LDB2: variants seen among roughly 807,000 people sequenced by gnomAD.
LDB2 encodes the protein LIM domain-binding protein 2.
LDB2 carries 12 observed loss-of-function variants against 44.3 expected under a neutral mutation model. The ratio of observed to expected loss-of-function variants is 0.27; its 90% CI spans 0.17 to 0.44. The LOEUF (loss-of-function observed/expected upper bound fraction) is 0.44. Ranked by LOEUF, LDB2 falls within the 20% of genes least tolerant of loss-of-function variation. The probability of loss-of-function intolerance (pLI) is 1.00; values close to 1 mark genes in which losing one functional copy is unlikely to be tolerated. For synonymous variants in LDB2, 164 were observed against 174.8 expected (o/e 0.94, Z 0.49); for missense variants, 344 against 473.5 (o/e 0.73, Z 2.54).
intron 2 of LDB2, among the ~76,000 whole-genome samples, chr4:16,704,688 A>T (rs1186172915): frequency 6.6e-6 from 1 of 152,218 alleles, no homozygotes; most frequent in Non-Finnish European, 1.5e-5. Flanking sequence ...GTAGTCACAT[A>T]AAAAAGCCTC....
At chr4:16,857,382 G>A (rs1464009009) in intron 1 of LDB2, among the ~76,000 whole-genome samples, 5 of 152,104 alleles carry the variant, frequency 3.3e-5, no homozygotes, top group African/African-American at 1.2e-4. Flanking sequence ...GTCTCCAGAC[G>A]GATAGCCCTG....
At chr4:16,561,157 C>G (rs964547903) in intron 5 of LDB2, among the ~76,000 whole-genome samples, 10 of 151,996 alleles carry the variant, frequency 6.6e-5, no homozygotes, top group African/African-American at 2.4e-4. Flanking sequence ...AAAACTGGCA[C>G]AAGACAGGGA....
intron 5 of LDB2, among the ~76,000 whole-genome samples, chr4:16,542,469 C>T (rs574349627): frequency 6.6e-6 from 1 of 152,248 alleles, no homozygotes; most frequent in African/African-American, 2.4e-5. Context: ...GAAGAACCTT[C>T]CCATAGGCCG....
intron 2 of LDB2, among the ~76,000 whole-genome samples, chr4:16,636,492 G>A (rs912256160): frequency 3.3e-5 from 5 of 152,138 alleles, no homozygotes; most frequent in African/African-American, 1.2e-4. Flanking sequence ...GGTTCTGATG[G>A]CACTCTAGTT....
chr4:16,508,409 C>A lies in LDB2; in HGVS notation c.891+126G>T, dbSNP rs367899183. The A allele has an allele frequency of 8.0e-5, 68 of 853,912 alleles. 1 individual carries two copies. The African/African-American group carries it at 1.1e-3, about 14-fold the overall frequency. 52.9% of individuals were successfully genotyped at this position (853,912 alleles called of 1,614,324 possible). On this transcript the variant is annotated intron_variant, in intron 7 of 7. Transcript: ENST00000304523. ...CCAACCTCTGTCCCTGTCTTTTATC[C>A]CTCCCCCACCTCCAACCTGCCCAGG...
intron 2 of LDB2, among the ~76,000 whole-genome samples, chr4:16,755,191 A>G (rs1172848053): frequency 1.3e-5 from 2 of 152,186 alleles, no homozygotes; most frequent in East Asian, 1.9e-4. Context: ...GTTCTGCTAC[A>G]TTCCTAAAAG....
At chr4:16,607,827 G>C (rs1724362267) in intron 2 of LDB2, among the ~76,000 whole-genome samples, 1 of 152,120 alleles carries the variant, frequency 6.6e-6, no homozygotes, top group East Asian at 1.9e-4. Flanking sequence ...TTTGGCAAGT[G>C]GATAAATGTG....
chr4:16,711,188 G>A (rs1755787950), intron 2 of LDB2, among the ~76,000 whole-genome samples: 1 of 152,212 alleles, frequency 6.6e-6, no homozygotes, highest in Non-Finnish European at 1.5e-5. Flanking sequence ...TTACAACAGG[G>A]AAGGATTTGG....
intron 2 of LDB2, among the ~76,000 whole-genome samples, chr4:16,748,114 G>A (rs1764741391): frequency 6.6e-6 from 1 of 152,078 alleles, no homozygotes; most frequent in South Asian, 2.1e-4. Context: ...TCATTAAATG[G>A]GAGGGGCTTT....
At chr4:16,671,173 A>T (rs1175881089) in intron 2 of LDB2, among the ~76,000 whole-genome samples, 1 of 152,138 alleles carries the variant, frequency 6.6e-6, no homozygotes, top group African/African-American at 2.4e-5. Flanking sequence ...CTCCCTCTTA[A>T]AATTTGGAAG....
intron 1 of LDB2, among the ~76,000 whole-genome samples, chr4:16,764,630 G>A (rs1208473894): frequency 6.6e-6 from 1 of 152,048 alleles, no homozygotes; most frequent in Non-Finnish European, 1.5e-5. Context: ...CACATGTGAG[G>A]AAGAAAAAGA....
At chr4:16,880,245 T>C (rs999186066) in intron 1 of LDB2, among the ~76,000 whole-genome samples, 3 of 152,156 alleles carry the variant, frequency 2.0e-5, no homozygotes, top group African/African-American at 4.8e-5. Context: ...TCAATTAGAA[T>C]TCAGGTTCTG....
At chr4:16,587,367 G>A (rs1717367756) in intron 4 of LDB2, among the ~76,000 whole-genome samples, 2 of 152,216 alleles carry the variant, frequency 1.3e-5, no homozygotes, top group Admixed American at 6.5e-5. Flanking sequence ...TACAAGCACA[G>A]AGATGTCACA....
At chr4:16,619,725 G>A (rs114052511) in intron 2 of LDB2, among the ~76,000 whole-genome samples, 55 of 151,526 alleles carry the variant, frequency 3.6e-4, no homozygotes, top group Non-Finnish European at 6.8e-4. Context: ...GGATAATATC[G>A]GTTGTCAAGT....
At chr4:16,780,468 C>A (rs919904482) in intron 1 of LDB2, among the ~76,000 whole-genome samples, 94 of 152,306 alleles carry the variant, frequency 6.2e-4, no homozygotes, top group African/African-American at 2.2e-3. Context: ...AGTGATCCGG[C>A]TGCCTCAGCC....
At chr4:16,893,882 T>C (rs1724150213) in intron 1 of LDB2, among the ~76,000 whole-genome samples, 3 of 152,092 alleles carry the variant, frequency 2.0e-5, no homozygotes, top group Admixed American at 6.6e-5. Flanking sequence ...GTCATTTGAA[T>C]GAGAAAACAA....
chr4:16,529,283 C>A (rs1331552946), intron 5 of LDB2, among the ~76,000 whole-genome samples: 1 of 152,154 alleles, frequency 6.6e-6, no homozygotes, highest in Non-Finnish European at 1.5e-5. Context: ...GGGAATGTAT[C>A]TCTATCATCC....
intron 1 of LDB2, among the ~76,000 whole-genome samples, chr4:16,891,025 A>G (rs1394641469): frequency 6.6e-6 from 1 of 152,114 alleles, no homozygotes; most frequent in African/African-American, 2.4e-5. Context: ...GATTACCTGA[A>G]AAGGGAGCCA....
chr4:16,561,118 A>G (rs1742013710), intron 5 of LDB2, among the ~76,000 whole-genome samples: 1 of 152,142 alleles, frequency 6.6e-6, no homozygotes, highest in Non-Finnish European at 1.5e-5. Context: ...ATCATACTGA[A>G]TGGGCAAAAA....
Sources: allele counts gnomAD v4.1 joint callset (sites outside exome capture counted in the v4.1 genomes callset), GRCh38; gene constraint gnomAD v4.1.1; transcripts MANE v1.5; gene names NCBI Gene and HGNC (gene_info 2026-07-23, HGNC 2026-07-21).